IL7: variants seen among roughly 807,000 people sequenced by gnomAD.
IL7 encodes interleukin-7.
Under a neutral mutation model 21.6 loss-of-function variants are expected in IL7, and 3 were observed. The ratio of observed to expected loss-of-function variants is 0.14; its 90% confidence interval spans 0.06 to 0.36. The LOEUF is 0.36. Ranked by LOEUF, IL7 falls within the 10% of genes least tolerant of loss-of-function variation. The pLI, the probability that IL7 is intolerant of heterozygous loss-of-function variation, is 1.00. For missense variants in IL7, 175 were observed against 200.2 expected (o/e 0.87, Z 0.76); for synonymous variants, 62 against 68.1 (o/e 0.91, Z 0.44).
At chr8:78,752,072 C>T (rs570618159) in intron 2 of IL7, among the ~76,000 whole-genome samples, 127 of 152,304 alleles carry the variant, frequency 8.3e-4, no homozygotes, top group African/African-American at 3.0e-3. Flanking sequence ...GTCCTCCAGG[C>T]TCATCTGTGT....
At chr8:78,742,992 G>C (rs978813733) in intron 2 of IL7, among the ~76,000 whole-genome samples, 1 of 152,170 alleles carries the variant, frequency 6.6e-6, no homozygotes, top group Admixed American at 6.5e-5. Context: ...TTGGTTTTCT[G>C]TTCCTGCATT....
intron 2 of IL7, chr8:78,746,801 T>C (rs903378576): frequency 1.3e-4 from 44 of 342,438 alleles, no homozygotes; most frequent in African/African-American, 9.5e-4. Flanking sequence ...AACTGACTGA[T>C]AGAGAACTAT....
intron 2 of IL7, among the ~76,000 whole-genome samples, chr8:78,775,721 G>A (rs1179001516): frequency 6.6e-6 from 1 of 151,926 alleles, no homozygotes; most frequent in East Asian, 1.9e-4. Flanking sequence ...AGCAAAATGA[G>A]TACATTGGAC....
At chr8:78,788,115 C>T (rs972350646) in intron 2 of IL7, among the ~76,000 whole-genome samples, 2 of 152,142 alleles carry the variant, frequency 1.3e-5, no homozygotes, top group Non-Finnish European at 2.9e-5. Flanking sequence ...CTTTTCACTT[C>T]TGATAGTAGT....
rs1336600825 is a variant in IL7 at position 78,762,274 on chromosome 8, T to A, written c.148-22192A>T. On this transcript the variant is annotated intron_variant, in intron 2 of 5. Transcript: ENST00000263851. ...TGGCACATAATCGATAATGTTTATT[T>A]AGCTGATCAGGTGTTTTATCTTCTA... is the stretch of plus-strand genomic sequence containing the variant. 3 of 1,581,666 alleles carry A rather than the reference T, an allele frequency of 1.9e-6. No individual in the cohort carries two copies. In the African/African-American group the frequency reaches 4.0e-5, roughly 21 times the overall value.
At chr8:78,691,177 A>C (rs545440834) in intron 3 of IL7, among the ~76,000 whole-genome samples, 66 of 152,162 alleles carry the variant, frequency 4.3e-4, no homozygotes, top group Middle Eastern at 3.4e-3. Context: ...ATTGTTTTTC[A>C]CCATTGTGTA....
chr8:78,762,500 G>C (rs539523623), intron 2 of IL7: 4 of 1,255,436 alleles, frequency 3.2e-6, no homozygotes, highest in South Asian at 3.9e-5. Context: ...CCCGCCCGTC[G>C]GGGCCGGGGA....
intron 3 of IL7, among the ~76,000 whole-genome samples, chr8:78,692,391 C>T (rs1187469195): frequency 1.3e-5 from 2 of 152,124 alleles, no homozygotes; most frequent in African/African-American, 4.8e-5. Flanking sequence ...CTAAATCTGC[C>T]ACCTGTGGTC....
chr8:78,715,487 C>A (rs549495316), downstream of IL7, among the ~76,000 whole-genome samples: 1 of 152,212 alleles, frequency 6.6e-6, no homozygotes, highest in East Asian at 1.9e-4. Context: ...TGGATTTGGG[C>A]AAAGTAAACT....
intron 2 of IL7, among the ~76,000 whole-genome samples, chr8:78,797,225 C>T (rs1442227163): frequency 6.6e-6 from 1 of 151,828 alleles, no homozygotes; most frequent in African/African-American, 2.4e-5. Context: ...GAGACATAAA[C>T]AAATCAGTGG....
chr8:78,677,030 T>C (rs1038354828), intron 4 of IL7, among the ~76,000 whole-genome samples: 1 of 152,032 alleles, frequency 6.6e-6, no homozygotes, highest in African/African-American at 2.4e-5. Context: ...CAGTGCTTGG[T>C]TGTTGAAATG....
At chr8:78,705,387 A>C (rs533258003) in intron 3 of IL7, among the ~76,000 whole-genome samples, 1 of 152,228 alleles carries the variant, frequency 6.6e-6, no homozygotes, top group South Asian at 2.1e-4. Context: ...TGGATTTTTC[A>C]GTAGCTGGAG....
At chr8:78,689,225 A>T in intron 3 of IL7, 1 of 1,560,450 alleles carries the variant, frequency 6.4e-7, no homozygotes, top group African/African-American at 1.4e-5. Context: ...GTTATAGATT[A>T]TATTCAATGT....
chr8:78,693,694 C>G (rs1400248447), intron 3 of IL7, among the ~76,000 whole-genome samples: 2 of 152,138 alleles, frequency 1.3e-5, no homozygotes, highest in Non-Finnish European at 2.9e-5. Flanking sequence ...CCTGTTCGCT[C>G]TGATGGTAGT....
At chr8:78,677,878 T>G (rs1809633587) in intron 4 of IL7, among the ~76,000 whole-genome samples, 2 of 152,180 alleles carry the variant, frequency 1.3e-5, no homozygotes, top group Admixed American at 1.3e-4. Flanking sequence ...AGAGCAGCCC[T>G]GAAGGCTGCT....
In IL7 at chr8:78,736,465, T is replaced by G; in HGVS notation, c.414+9A>C. On this transcript the variant is annotated intron_variant, in intron 5 of 5. Transcript: ENST00000263851. Reference sequence around the variant, plus strand: ...TGAACCATAAGGAAAATTATACAATTATTCTCACCAAACTCTTTGTTGGTT... The same window carrying G: ...TGAACCATAAGGAAAATTATACAATGATTCTCACCAAACTCTTTGTTGGTT... The G allele has an allele frequency of 6.4e-7, 1 of 1,570,600 alleles. No individual in the cohort carries two copies. Among genetic ancestry groups the G allele is most frequent in the Non-Finnish European group, 8.7e-7 (1 of 1,149,676 alleles).
intron 2 of IL7, among the ~76,000 whole-genome samples, chr8:78,774,483 T>C (rs1363020903): frequency 6.6e-6 from 1 of 152,158 alleles, no homozygotes; most frequent in East Asian, 1.9e-4. Context: ...AACAACTGTA[T>C]GTTAATTAAT....
chr8:78,703,022 G>A (rs142632814), intron 3 of IL7, among the ~76,000 whole-genome samples: 44 of 152,054 alleles, frequency 2.9e-4, no homozygotes, highest in Non-Finnish European at 3.7e-4. Context: ...TCAGCCTCTC[G>A]AGCAGCTGGG....
chr8:78,771,407 G>C (rs1003024326), intron 2 of IL7, among the ~76,000 whole-genome samples: 2 of 152,008 alleles, frequency 1.3e-5, no homozygotes, highest in African/African-American at 4.8e-5. Context: ...CTGACATAAG[G>C]ATTTTTTCAT....
Sources: allele counts gnomAD v4.1 joint callset (sites outside exome capture counted in the v4.1 genomes callset), GRCh38; gene constraint gnomAD v4.1.1; transcripts MANE v1.5; gene names NCBI Gene and HGNC (gene_info 2026-07-23, HGNC 2026-07-21).